The following NAV3 variants were observed in gnomAD, a reference collection of about 807,000 sequenced individuals.
NAV3 encodes pore membrane and/or filament interacting like protein 1.
A neutral mutation model predicts 244.7 loss-of-function variants in NAV3; 87 were observed. The ratio of observed to expected loss-of-function variants is 0.36; its 90% CI spans 0.30 to 0.42. The LOEUF is 0.42. Among genes scored for constraint, NAV3 ranks in the 20% least tolerant of loss-of-function variants. The pLI is 1.00. For missense variants in NAV3, 2,663 were observed against 2,893.3 expected (o/e 0.92, Z 1.83); for synonymous variants, 1,126 against 1,042.2 (o/e 1.08, Z -1.55).
chr12:77,658,884 G>A (rs912914696), intron 2 of NAV3, among the ~76,000 whole-genome samples: 2 of 152,180 alleles, frequency 1.3e-5, no homozygotes, highest in Non-Finnish European at 2.9e-5. Context: ...AATAAATGGG[G>A]CTGGGAAAAC....
At chr12:77,790,742 G>T (rs1264941853) in intron 2 of NAV3, among the ~76,000 whole-genome samples, 3 of 152,162 alleles carry the variant, frequency 2.0e-5, no homozygotes, top group Non-Finnish European at 4.4e-5. Flanking sequence ...TCATAATCAA[G>T]AGGGCACTTC....
intron 10 of NAV3, 119 bp from the exon 11 acceptor site, chr12:78,050,645 G>T: frequency 9.8e-7 from 1 of 1,023,350 alleles, no homozygotes; most frequent in Non-Finnish European, 1.4e-6. Context: ...TTTAGCTTTC[G>T]GGAAGATGAC....
At chr12:78,059,335 C>A (rs1213228593) in intron 12 of NAV3, among the ~76,000 whole-genome samples, 3 of 151,950 alleles carry the variant, frequency 2.0e-5, no homozygotes, top group African/African-American at 7.3e-5. Context: ...TGTCACCAGG[C>A]TGGAGTGCAA....
At chr12:78,043,627 A>G (rs2137116106) in intron 9 of NAV3, among the ~76,000 whole-genome samples, 1 of 152,242 alleles carries the variant, frequency 6.6e-6, no homozygotes, top group African/African-American at 2.4e-5. Flanking sequence ...CGCCATTCTA[A>G]CCGGCGTGAG....
chr12:77,749,369 A>G (rs974210554), intron 2 of NAV3, among the ~76,000 whole-genome samples: 2 of 152,230 alleles, frequency 1.3e-5, no homozygotes, highest in Non-Finnish European at 2.9e-5. Context: ...ATTTAGAACA[A>G]TTTAAAAATA....
At chr12:77,671,500 C>T (rs1467132469) in intron 2 of NAV3, among the ~76,000 whole-genome samples, 7 of 152,070 alleles carry the variant, frequency 4.6e-5, no homozygotes, top group Non-Finnish European at 8.8e-5. Flanking sequence ...ATCATATTAC[C>T]TGACTTCAAA....
chr12:77,652,252 G>T (rs538211504), intron 2 of NAV3, among the ~76,000 whole-genome samples: 1 of 152,038 alleles, frequency 6.6e-6, no homozygotes, highest in Admixed American at 6.6e-5. Flanking sequence ...TAAATACCCC[G>T]CCCAAGGTCA....
At chr12:77,841,687 A>G (rs895124026) in intron 1 of NAV3, among the ~76,000 whole-genome samples, 42 of 152,186 alleles carry the variant, frequency 2.8e-4, no homozygotes, top group Non-Finnish European at 4.9e-4. Context: ...ATGAGTAGTC[A>G]CAATAGAGAC....
upstream of NAV3, among the ~76,000 whole-genome samples, chr12:77,826,359 G>T (rs1441995957): frequency 6.6e-6 from 1 of 151,828 alleles, no homozygotes; most frequent in South Asian, 2.1e-4. Context: ...AATACAGATG[G>T]TGCACATCTG....
intron 12 of NAV3, among the ~76,000 whole-genome samples, chr12:78,106,949 A>G (rs1954831918): frequency 6.6e-6 from 1 of 152,212 alleles, no homozygotes; most frequent in Non-Finnish European, 1.5e-5. Context: ...TGTCACTGAC[A>G]CTGTTTGTAG....
chr12:77,818,713 C>A (rs756035974), intron 2 of NAV3, among the ~76,000 whole-genome samples: 1 of 151,998 alleles, frequency 6.6e-6, no homozygotes, highest in African/African-American at 2.4e-5. Context: ...GGGGAGGAAA[C>A]GCATAACAAA....
chr12:77,621,257 A>G (rs1871358178), intron 2 of NAV3, among the ~76,000 whole-genome samples: 1 of 152,188 alleles, frequency 6.6e-6, no homozygotes, highest in Non-Finnish European at 1.5e-5. Flanking sequence ...GCTCTCCTGT[A>G]GCTGCTAGGC....
Position 77,763,404 on chromosome 12 carries a change from G to C in NAV3, c.73-176915G>C, listed in dbSNP as rs149275868. On this transcript the variant is annotated intron_variant, in intron 2 of 8. Transcript: ENST00000550042. ...AGAGGTTTCAGCTTTGGTTTTTGTG[G>C]GTCAGGGGCTCACAGGATAAAGAAT... 2.0e-3 allele frequency among the ~76,000 whole-genome samples: 303 copies of C among 152,228 alleles called. 1 individual carries two copies. The highest frequency in any genetic ancestry group is 6.8e-3 in the Middle Eastern group (2 of 294).
At chr12:78,051,388 T>C (rs190592730) in intron 11 of NAV3, among the ~76,000 whole-genome samples, 178 of 152,328 alleles carry the variant, frequency 1.2e-3, no homozygotes, top group African/African-American at 4.1e-3. Context: ...GAAACACATG[T>C]GGCTTCTGTT....
At chr12:77,614,224 C>T (rs1871059009) in intron 2 of NAV3, among the ~76,000 whole-genome samples, 1 of 151,782 alleles carries the variant, frequency 6.6e-6, no homozygotes, top group Non-Finnish European at 1.5e-5. Context: ...TAGCACAACC[C>T]TCCCGGTAGT....
At chr12:78,065,591 C>T (rs1224683352) in intron 12 of NAV3, among the ~76,000 whole-genome samples, 1 of 152,134 alleles carries the variant, frequency 6.6e-6, no homozygotes, top group Non-Finnish European at 1.5e-5. Flanking sequence ...ATATGCAATA[C>T]TATACAATTC....
At chr12:77,803,685 C>T (rs1278004191) in intron 2 of NAV3, among the ~76,000 whole-genome samples, 6 of 152,048 alleles carry the variant, frequency 3.9e-5, no homozygotes, top group Non-Finnish European at 8.8e-5. Flanking sequence ...TGGTTCTAGA[C>T]ACTTAAGGAA....
At chr12:77,843,164 CT>C (rs2136184889) in intron 1 of NAV3, among the ~76,000 whole-genome samples, 1 of 151,882 alleles carries the variant, frequency 6.6e-6, no homozygotes, top group East Asian at 1.9e-4. Context: ...CTATTTCTTC[CT>C]TCCTTTGGCT....
intron 2 of NAV3, among the ~76,000 whole-genome samples, chr12:77,681,716 G>A (rs1370918767): frequency 2.0e-5 from 3 of 152,060 alleles, no homozygotes; most frequent in Non-Finnish European, 2.9e-5. Flanking sequence ...TTAAGTGTAT[G>A]CTTTGATGAG....
Sources: allele counts gnomAD v4.1 joint callset (sites outside exome capture counted in the v4.1 genomes callset), GRCh38; gene constraint gnomAD v4.1.1; transcripts MANE v1.5; gene names NCBI Gene and HGNC (gene_info 2026-07-23, HGNC 2026-07-21).